Variants in HOXB3 observed in about 807,000 individuals in gnomAD.
HOXB3 encodes the protein homeobox B3.
A neutral mutation model predicts 29.2 loss-of-function variants in HOXB3; 17 were observed. That is an observed-to-expected ratio of 0.58 (90% CI 0.40 to 0.87). The LOEUF is 0.87. HOXB3 is among the 40% of genes least tolerant of loss of function. The pLI, the probability that HOXB3 is intolerant of heterozygous loss-of-function variation, is 0.00. For missense variants in HOXB3, 637 were observed against 616.3 expected (o/e 1.03, Z -0.35); for synonymous variants, 317 against 285.9 (o/e 1.11, Z -1.10).
intron 1 of HOXB3, chr17:48,575,070 G>C (rs1376476267): frequency 1.3e-5 from 2 of 152,228 alleles, no homozygotes; most frequent in East Asian, 3.8e-4. Flanking sequence ...AAAGAGGCCA[G>C]CCTCATGGAA....
intron 1 of HOXB3, among the ~76,000 whole-genome samples, chr17:48,589,646 C>G (rs2070110636): frequency 6.6e-6 from 1 of 152,114 alleles, no homozygotes; most frequent in Non-Finnish European, 1.5e-5. Context: ...CAGCCGCCTA[C>G]CCGGTGCTTT....
chr17:48,562,831 AATGCAAGAG>A (rs1452662852), intron 2 of HOXB3, among the ~76,000 whole-genome samples: 1 of 152,190 alleles, frequency 6.6e-6, no homozygotes, highest in Non-Finnish European at 1.5e-5. Context: ...TCTGGACAGA[AATGCAAGAG>A]CCACTAGTTG....
intron 1 of HOXB3, chr17:48,577,066 C>T (rs750126056): frequency 6.6e-7 from 1 of 1,504,822 alleles, no homozygotes; most frequent in Non-Finnish European, 8.9e-7. Flanking sequence ...TTTATTGCCC[C>T]CGAAAGAGAG....
intron 1 of HOXB3, among the ~76,000 whole-genome samples, chr17:48,587,754 A>AAG (rs2144921889): frequency 6.6e-6 from 1 of 152,322 alleles, no homozygotes; most frequent in Non-Finnish European, 1.5e-5. Flanking sequence ...ACACTTCTTT[A>AAG]TACTTCCTCC....
chr17:48,574,632 T>C (rs1056665472), intron 1 of HOXB3: 2 of 152,188 alleles, frequency 1.3e-5, no homozygotes, highest in African/African-American at 4.8e-5. Context: ...GGATGACCAA[T>C]AGACCAGAGA....
chr17:48,550,210 T>C lies in HOXB3; in HGVS notation c.*124A>G. The C allele has an allele frequency of 7.5e-7, 1 of 1,341,330 alleles. No homozygotes were observed. The highest frequency in any genetic ancestry group is 1.0e-6 in the Non-Finnish European group (1 of 981,986). The allele number at this position is 1,341,330 out of a possible 1,614,324, so 83.1% of individuals were successfully genotyped here. A position where few individuals can be genotyped will look rare whatever the true frequency, so the allele number is the denominator to read the frequency against. ...GGGAAGGGAAGGAGCTCCAGGCCGGTTCTGACCAGGAAGCCTGGGTACCAC... is the reference window on the plus strand; with the variant it reads ...GGGAAGGGAAGGAGCTCCAGGCCGGCTCTGACCAGGAAGCCTGGGTACCAC... On this transcript the variant is annotated 3_prime_UTR_variant, in exon 5 of 5. Transcript: ENST00000498678.
rs2069672141 is a variant in HOXB3, at chr17:48,573,930, T to C, written c.-340A>G. 1 of 696,464 alleles carries C rather than the reference T, an allele frequency of 1.4e-6. No individual in the cohort carries two copies. The highest frequency in any genetic ancestry group is 2.7e-5 in the East Asian group (1 of 37,244). The allele number at this position is 696,464 out of a possible 1,614,324, so 43.1% of individuals were successfully genotyped here. A position where few individuals can be genotyped will look rare whatever the true frequency, so the allele number is the denominator to read the frequency against. On this transcript the variant is annotated 5_prime_UTR_variant, in exon 2 of 5. It adds an upstream start codon to the 5' untranslated region. Transcript: ENST00000498678. Reference sequence around the variant, plus strand: ...ACTGAGAGAAAAAAGTTTTCAACTTTATGGTTCCAAATTTTTTCCCCCTTG... The same window carrying C: ...ACTGAGAGAAAAAAGTTTTCAACTTCATGGTTCCAAATTTTTTCCCCCTTG...
intron 2 of HOXB3, among the ~76,000 whole-genome samples, chr17:48,565,733 A>G (rs893319909): frequency 6.6e-6 from 1 of 152,202 alleles, no homozygotes; most frequent in Non-Finnish European, 1.5e-5. Context: ...CAAAAGGGGT[A>G]GTTTCCTTCC....
At chr17:48,555,987 ACACT>A (rs892639546) in intron 2 of HOXB3, among the ~76,000 whole-genome samples, 6 of 151,640 alleles carry the variant, frequency 4.0e-5, no homozygotes, top group East Asian at 1.9e-4. Flanking sequence ...ACACACACAC[ACACT>A]CACTCACACA....
chr17:48,575,500 C>A (rs574665561), intron 1 of HOXB3: 1 of 152,396 alleles, frequency 6.6e-6, no homozygotes, highest in South Asian at 2.1e-4. Flanking sequence ...TCAACAAAAA[C>A]ACGCTGTGCT....
At chr17:48,566,901 T>C (rs2144833554) in intron 2 of HOXB3, among the ~76,000 whole-genome samples, 1 of 152,262 alleles carries the variant, frequency 6.6e-6, no homozygotes, top group East Asian at 1.9e-4. Context: ...GTGTGTGGGA[T>C]TCTCCAACAC....
chr17:48,576,700 G>C (rs1440639865), intron 1 of HOXB3: 3 of 1,487,304 alleles, frequency 2.0e-6, no homozygotes, highest in East Asian at 2.5e-5. Flanking sequence ...CCCGAGGTTC[G>C]TGGCTCCCGC....
chr17:48,577,791 A>G, intron 1 of HOXB3: 1 of 1,277,468 alleles, frequency 7.8e-7, no homozygotes, highest in Non-Finnish European at 1.0e-6. Context: ...CCCCCCCCCA[A>G]CCCATGCCTC....
At chr17:48,566,705 C>T (rs868619195) in intron 2 of HOXB3, among the ~76,000 whole-genome samples, 10 of 152,146 alleles carry the variant, frequency 6.6e-5, no homozygotes, top group Admixed American at 2.6e-4. Flanking sequence ...TACCCTCTTC[C>T]TTCTCTGTCA....
intron 2 of HOXB3, among the ~76,000 whole-genome samples, chr17:48,563,588 G>GA (rs1478033130): frequency 6.6e-6 from 1 of 152,218 alleles, no homozygotes; most frequent in Admixed American, 6.5e-5. Flanking sequence ...ATAAATCCCA[G>GA]TGCGTCAGGC....
chr17:48,564,253 G>T (rs1186307451), intron 2 of HOXB3, among the ~76,000 whole-genome samples: 2 of 151,674 alleles, frequency 1.3e-5, no homozygotes, highest in African/African-American at 2.4e-5. Context: ...ACGGCGGGCG[G>T]CCGGGCGCTG....
intron 1 of HOXB3, among the ~76,000 whole-genome samples, chr17:48,589,648 CG>C (rs1188968775): frequency 6.6e-6 from 1 of 152,192 alleles, no homozygotes; most frequent in African/African-American, 2.4e-5. Flanking sequence ...GCCGCCTACC[CG>C]GTGCTTTTTC....
chr17:48,561,073 G>A (rs545682215), intron 2 of HOXB3, among the ~76,000 whole-genome samples: 4 of 152,136 alleles, frequency 2.6e-5, no homozygotes, highest in Middle Eastern at 6.8e-3. Context: ...CCAGCTACTC[G>A]GGAGGCTGAG....
intron 1 of HOXB3, chr17:48,578,627 CAG>C: frequency 2.9e-6 from 1 of 346,234 alleles, no homozygotes; most frequent in Non-Finnish European, 5.3e-6. Flanking sequence ...TCTCCGGGAT[CAG>C]AGAGAGAGCG....
Sources: allele counts gnomAD v4.1 joint callset (sites outside exome capture counted in the v4.1 genomes callset), GRCh38; gene constraint gnomAD v4.1.1; transcripts MANE v1.5; gene names NCBI Gene and HGNC (gene_info 2026-07-23, HGNC 2026-07-21).